ENTREP2: variants seen among roughly 807,000 people sequenced by gnomAD.
ENTREP2 encodes endosomal transmembrane epsin interactor 2, also known as protein ENTREP2.
At chr15:29,149,002 G>A in the ENTREP2 span, among the ~76,000 whole-genome samples, 3 of 151,924 alleles carry the variant, frequency 2.0e-5, no homozygotes, top group African/African-American at 4.8e-5. Flanking sequence ...TCAGCCTCCC[G>A]AGTAGCTGGG....
chr15:29,382,841 C>G, the ENTREP2 span, among the ~76,000 whole-genome samples: 1 of 152,172 alleles, frequency 6.6e-6, no homozygotes, highest in Admixed American at 6.5e-5. Context: ...TCACTTCCCA[C>G]CCACTACCAT....
the ENTREP2 span, among the ~76,000 whole-genome samples, chr15:29,326,793 C>A: frequency 6.6e-6 from 1 of 152,048 alleles, no homozygotes; most frequent in African/African-American, 2.4e-5. Flanking sequence ...GAAGCACTCA[C>A]AATACCCAAT....
chr15:29,378,816 T>A, the ENTREP2 span, among the ~76,000 whole-genome samples: 1 of 152,252 alleles, frequency 6.6e-6, no homozygotes, highest in Admixed American at 6.5e-5. Flanking sequence ...TATCTATCTA[T>A]ATCTGCCTCT....
chr15:29,474,563 T>C, the ENTREP2 span, among the ~76,000 whole-genome samples: 1 of 152,114 alleles, frequency 6.6e-6, no homozygotes, highest in African/African-American at 2.4e-5. Flanking sequence ...TGTTGTTTTT[T>C]TTTCCTTTGG....
chr15:29,389,491 A>G, the ENTREP2 span, among the ~76,000 whole-genome samples: 1 of 152,168 alleles, frequency 6.6e-6, no homozygotes, highest in Non-Finnish European at 1.5e-5. Context: ...CTGACTGTGC[A>G]TGCATTGCTT....
chr15:29,134,366 G>A, the ENTREP2 span, among the ~76,000 whole-genome samples: 1 of 152,138 alleles, frequency 6.6e-6, no homozygotes, highest in African/African-American at 2.4e-5. Flanking sequence ...AGTAAAAAGG[G>A]GGTCCTGGCC....
At chr15:29,321,041 T>G in the ENTREP2 span, among the ~76,000 whole-genome samples, 1 of 152,048 alleles carries the variant, frequency 6.6e-6, no homozygotes, top group South Asian at 2.1e-4. Flanking sequence ...ATTTATTTTA[T>G]TTAATAAAAT....
At chr15:29,426,628 C>T in the ENTREP2 span, among the ~76,000 whole-genome samples, 1 of 152,160 alleles carries the variant, frequency 6.6e-6, no homozygotes, top group Non-Finnish European at 1.5e-5. Flanking sequence ...ATCTGGTTTC[C>T]TTCTCACAGT....
chr15:29,635,477 G>A, the ENTREP2 span, among the ~76,000 whole-genome samples: 1 of 152,182 alleles, frequency 6.6e-6, no homozygotes, highest in Non-Finnish European at 1.5e-5. Flanking sequence ...ACTGTAGGGC[G>A]GGATGTGCAC....
the ENTREP2 span, among the ~76,000 whole-genome samples, chr15:29,119,390 AT>A: frequency 3.0e-3 from 40 of 13,246 alleles, 7 homozygotes; most frequent in African/African-American, 4.3e-3. Context: ...ATAGGTGGGA[AT>A]TGAACAATGA....
At chr15:29,635,642 C>T in the ENTREP2 span, among the ~76,000 whole-genome samples, 2 of 152,198 alleles carry the variant, frequency 1.3e-5, no homozygotes, top group African/African-American at 4.8e-5. Flanking sequence ...GAAACAGACC[C>T]CGTGTAGGCC....
At chr15:29,507,007 G>C in the ENTREP2 span, among the ~76,000 whole-genome samples, 27 of 152,168 alleles carry the variant, frequency 1.8e-4, no homozygotes, top group African/African-American at 6.0e-4. Context: ...GTATTTAGGA[G>C]ACCCATCTCA....
chr15:29,462,843 G>A, the ENTREP2 span, among the ~76,000 whole-genome samples: 1 of 152,184 alleles, frequency 6.6e-6, no homozygotes, highest in South Asian at 2.1e-4. Flanking sequence ...TCCCACCAGT[G>A]AGAACCCTCT....
the ENTREP2 span, among the ~76,000 whole-genome samples, chr15:29,643,638 C>T: frequency 7.9e-5 from 12 of 151,506 alleles, no homozygotes; most frequent in Admixed American, 2.0e-4. Flanking sequence ...AAAAATTAGC[C>T]GGGCATGGTG....
At chr15:29,446,552 C>G in the ENTREP2 span, among the ~76,000 whole-genome samples, 1 of 152,186 alleles carries the variant, frequency 6.6e-6, no homozygotes, top group Non-Finnish European at 1.5e-5. Flanking sequence ...GGAGGAGCCT[C>G]GGTCCCCAGT....
chr15:29,289,862 C>T, the ENTREP2 span, among the ~76,000 whole-genome samples: 3 of 152,070 alleles, frequency 2.0e-5, no homozygotes, highest in East Asian at 5.8e-4. Flanking sequence ...TATATATATA[C>T]ATATATAAGT....
the ENTREP2 span, among the ~76,000 whole-genome samples, chr15:29,631,916 G>T: frequency 6.6e-6 from 1 of 152,008 alleles, no homozygotes; most frequent in Non-Finnish European, 1.5e-5. Flanking sequence ...TGCTGCTGCT[G>T]GGCGGGGCAT....
At chr15:29,650,997 C>G in the ENTREP2 span, among the ~76,000 whole-genome samples, 1 of 152,182 alleles carries the variant, frequency 6.6e-6, no homozygotes, top group African/African-American at 2.4e-5. Flanking sequence ...GCCTGGGCAA[C>G]AGATAGAGAC....
chr15:29,578,468 T>TGTC, the ENTREP2 span, among the ~76,000 whole-genome samples: 3 of 152,196 alleles, frequency 2.0e-5, no homozygotes, highest in African/African-American at 7.2e-5. Context: ...ACATATAGAA[T>TGTC]TTTGACTTGT....
Sources: gnomAD v4.1 joint callset for allele counts (sites outside exome capture counted in the v4.1 genomes callset) on GRCh38, gnomAD v4.1.1 for gene constraint, MANE v1.5 for transcripts, NCBI Gene and HGNC (gene_info 2026-07-23, HGNC 2026-07-21) for gene names.